The following FMR1NB variants were observed in gnomAD, a reference collection of about 807,000 sequenced individuals.
FMR1NB encodes FMR1 neighbor.
In FMR1NB, 10 loss-of-function variants were observed where a neutral mutation model predicts 16.8. That is an observed-to-expected ratio of 0.60 (90% CI 0.37 to 1.01). The LOEUF (loss-of-function observed/expected upper bound fraction) is 1.01. Among genes scored for constraint, FMR1NB ranks in the 50% least tolerant of loss-of-function variants. The pLI, the probability that FMR1NB is intolerant of heterozygous loss-of-function variation, is 0.01. For missense variants in FMR1NB, 205 were observed against 204.8 expected, an observed-to-expected ratio of 1.00 and a Z score of 0.00; for synonymous variants, 83 against 79.1, an observed-to-expected ratio of 1.05 and a Z score of -0.26.
intron 3 of FMR1NB, 71 bp downstream of exon 3, chrX:148,006,913 A>G: frequency 9.3e-7 from 1 of 1,072,284 alleles, no homozygotes; most frequent in Non-Finnish European, 1.3e-6. Flanking sequence ...GCATAAGTTC[A>G]TATTTGGATT....
chrX:148,001,693 T>C (rs1169675423), intron 1 of FMR1NB, among the ~76,000 whole-genome samples: 1 of 109,773 alleles, frequency 9.1e-6, no homozygotes, highest in Non-Finnish European at 1.9e-5. Context: ...GAGGTTGCAG[T>C]GAGCTGAGAT....
At chrX:148,002,252 T>A (rs2044574267) in intron 1 of FMR1NB, among the ~76,000 whole-genome samples, 1 of 111,579 alleles carries the variant, frequency 9.0e-6, no homozygotes, top group Admixed American at 9.5e-5. Flanking sequence ...ATATGTAAGC[T>A]CACTGATTAT....
intron 3 of FMR1NB, among the ~76,000 whole-genome samples, chrX:148,007,777 T>C (rs2053728106): frequency 8.9e-6 from 1 of 112,282 alleles, no homozygotes; most frequent in East Asian, 2.8e-4. Context: ...CAAAATAATA[T>C]CTTAAGTTAA....
At chrX:147,992,084 T>C (rs190371168) in intron 1 of FMR1NB, among the ~76,000 whole-genome samples, 3,913 of 103,150 alleles carry the variant, frequency 0.038, no homozygotes, top group Admixed American at 0.077. Context: ...GGCAACTATC[T>C]GACTTCTCAA....
At chrX:147,997,916 G>C (rs149369612) in intron 1 of FMR1NB, among the ~76,000 whole-genome samples, 3 of 112,315 alleles carry the variant, frequency 2.7e-5, no homozygotes, top group Non-Finnish European at 5.6e-5. Context: ...ACCATCTCTC[G>C]CCTGTTAGAA....
chrX:148,008,674 T>C lies in FMR1NB; in HGVS notation c.595T>C (p.Cys199Arg). Residue 199 changes from cysteine (C) to arginine (R), a missense_variant, in exon 4 of 6, where the codon TGT becomes CGT. Transcript: ENST00000370467. ...TGGTGCGATCAGCCTTATCCTGGTA[T>C]GTCTGCCCATTTATTGCCGCTCTCT... ...GLGAISLILV[C>R]LPIYCRSLFW... The C allele has an allele frequency of 8.3e-7, 1 of 1,212,060 alleles. No homozygotes were observed. The highest frequency in any genetic ancestry group is 1.1e-6 in the Non-Finnish European group (1 of 895,552).
intron 1 of FMR1NB, among the ~76,000 whole-genome samples, chrX:148,002,863 A>C (rs1392375580): frequency 8.9e-6 from 1 of 112,159 alleles, no homozygotes; most frequent in African/African-American, 3.2e-5. Flanking sequence ...CTGTGATGGG[A>C]TCTGATTTAG....
At chrX:148,016,233 T>G (rs782223142) in intron 4 of FMR1NB, among the ~76,000 whole-genome samples, 2 of 111,090 alleles carry the variant, frequency 1.8e-5, no homozygotes, top group Non-Finnish European at 3.8e-5. Context: ...TAGTTTTGTT[T>G]TGAAATATAT....
At chrX:148,024,784 T>C (rs782727919) in intron 4 of FMR1NB, 81 bp from the exon 5 acceptor site, 56 of 1,095,726 alleles carry the variant, frequency 5.1e-5, no homozygotes, top group Non-Finnish European at 6.6e-5. Context: ...TCTGGGCAAA[T>C]ATTTTTTTCC....
Position 148,018,301 on chromosome X carries a change from C to T in FMR1NB, c.633-6564C>T, listed in dbSNP as rs2044660863. Among the ~76,000 whole-genome samples, 3 of 111,961 alleles carry T rather than the reference C, an allele frequency of 2.7e-5. No homozygotes were observed. The South Asian group carries it at 1.1e-3, about 41-fold the overall frequency. ...TTCTCTGATGGCCAGTGATGGTGAG[C>T]ATTTTTTCATGTGTTTTTTTGGCTG... On this transcript the variant is annotated intron_variant, in intron 4 of 5. Transcript: ENST00000370467.
At chrX:147,984,051 A>G (rs1384496700) in intron 1 of FMR1NB, among the ~76,000 whole-genome samples, 4 of 111,392 alleles carry the variant, frequency 3.6e-5, no homozygotes, top group African/African-American at 6.5e-5. Flanking sequence ...TTAGTTCTGG[A>G]CTCTGAATTT....
Position 148,003,294 on chromosome X carries a change from C to T in FMR1NB, c.371C>T (p.Ala124Val), listed in dbSNP as rs1191720562. ...QSLEEDSALE[A>V]LLNFFFPTTC... The stretch of plus-strand genomic sequence containing the variant: ...CTGGAAGAAGATTCCGCATTGGAAG[C>T]TTTGCTGAATTTTTTCTTTCCAACA... The change falls in exon 2 of 6, where the codon GCT becomes GTT. Residue 124 changes from alanine (A) to valine (V), a missense_variant. Ala to Val is a moderately conservative substitution (Grantham distance 64, BLOSUM62 0). Transcript: ENST00000370467. The T allele has an allele frequency of 8.3e-7, 1 of 1,210,898 alleles. No individual in the cohort carries two copies. Among genetic ancestry groups the T allele is most frequent in the Non-Finnish European group, 1.1e-6 (1 of 894,929 alleles).
chrX:148,013,555 A>G (rs2044635479), intron 4 of FMR1NB, among the ~76,000 whole-genome samples: 1 of 112,284 alleles, frequency 8.9e-6, no homozygotes, highest in Non-Finnish European at 1.9e-5. Context: ...TTCTGCTTTC[A>G]CCACGTTTCA....
chrX:148,018,604 G>T (rs1416796220), intron 4 of FMR1NB, among the ~76,000 whole-genome samples: 2 of 111,328 alleles, frequency 1.8e-5, no homozygotes, highest in African/African-American at 6.5e-5. Context: ...ATGGTGCTGG[G>T]AAAACTGGCT....
At position 147,983,183 on chromosome X, in the gene FMR1NB, C is replaced by T. The variant is rs1480376118; in HGVS notation, c.277+1504C>T. On this transcript the variant is annotated intron_variant, in intron 1 of 5. Transcript: ENST00000370467. ...AAATTTACCGAATTTGGGTTGTTTC[C>T]ACTTTGGGCCTATTATGAACAATAC... Among the ~76,000 whole-genome samples, 5 of 111,233 alleles carry T rather than the reference C, an allele frequency of 4.5e-5. No homozygotes were observed. In the East Asian group the frequency reaches 1.4e-3, roughly 31 times the overall value.
intron 1 of FMR1NB, among the ~76,000 whole-genome samples, chrX:147,985,525 C>G (rs945769346): frequency 5.4e-5 from 6 of 110,307 alleles, no homozygotes; most frequent in African/African-American, 1.7e-4. Flanking sequence ...GTGTCCATGT[C>G]TTCTCATTGT....
chrX:148,008,782 T>C, intron 4 of FMR1NB, 71 bp downstream of exon 4: 1 of 909,158 alleles, frequency 1.1e-6, no homozygotes, highest in Non-Finnish European at 1.6e-6. Flanking sequence ...ACATATTTAT[T>C]AATACACTTC....
At chrX:147,996,358 A>G (rs1284207122) in intron 1 of FMR1NB, among the ~76,000 whole-genome samples, 4 of 111,800 alleles carry the variant, frequency 3.6e-5, no homozygotes, top group Non-Finnish European at 7.5e-5. Context: ...AACTGAGGCA[A>G]CGAGAAGTTT....
At chrX:148,014,724 AG>A (rs2044641483) in intron 4 of FMR1NB, among the ~76,000 whole-genome samples, 1 of 111,562 alleles carries the variant, frequency 9.0e-6, no homozygotes. Flanking sequence ...GGCTTACTGC[AG>A]CCTCGACTTC....
Sources: gnomAD v4.1 joint callset for allele counts (sites outside exome capture counted in the v4.1 genomes callset) on GRCh38, gnomAD v4.1.1 for gene constraint, MANE v1.5 for transcripts, NCBI Gene and HGNC (gene_info 2026-07-23, HGNC 2026-07-21) for gene names.